Variants in KHDRBS2 observed in about 807,000 individuals in gnomAD.
The protein encoded by KHDRBS2 is KH RNA binding domain containing, signal transduction associated 2.
KHDRBS2 carries 26 observed loss-of-function variants against 44.3 expected under a neutral mutation model. The ratio of observed to expected loss-of-function variants is 0.59; its 90% CI spans 0.43 to 0.81. The LOEUF (loss-of-function observed/expected upper bound fraction) is 0.81, where lower values mean the gene tolerates loss of function less well. Among genes scored for constraint, KHDRBS2 ranks in the 40% least tolerant of loss-of-function variants. The pLI is 0.00. For synonymous variants in KHDRBS2, 194 were observed against 151.1 expected (o/e 1.28, Z -2.08); for missense variants, 476 against 433.1 (o/e 1.10, Z -0.88).
chr6:62,213,070 C>A (rs982532686), intron 1 of KHDRBS2, among the ~76,000 whole-genome samples: 1 of 152,102 alleles, frequency 6.6e-6, no homozygotes, highest in African/African-American at 2.4e-5. Context: ...AATATTGCTA[C>A]CTGGCTCATC....
intron 3 of KHDRBS2, among the ~76,000 whole-genome samples, chr6:62,001,042 T>C (rs1778143152): frequency 6.6e-6 from 1 of 152,174 alleles, no homozygotes. Context: ...TGAGCAATAA[T>C]GTGTGGTGTT....
At chr6:62,199,211 C>T (rs1826360794) in intron 1 of KHDRBS2, among the ~76,000 whole-genome samples, 1 of 152,100 alleles carries the variant, frequency 6.6e-6, no homozygotes, top group African/African-American at 2.4e-5. Context: ...CACTCCTATT[C>T]AACATAGTGT....
In KHDRBS2 at chr6:62,037,856, ATT is replaced by A. The variant is rs1422504139; in HGVS notation, c.336+10020_336+10021del. Among the ~76,000 whole-genome samples, 3 of 152,172 alleles carry A rather than the reference ATT, an allele frequency of 2.0e-5. No homozygotes were observed. The East Asian group carries it at 5.8e-4, about 29-fold the overall frequency. ...AAAAGCAAAGAAATTTAATGTTAGT[ATT>A]TTCAAAATTAAAACAAGATGCTAAG... On this transcript the variant is annotated intron_variant, in intron 3 of 8. Coordinates refer to ENST00000281156, the MANE Select transcript of KHDRBS2 (RefSeq NM_152688.4).
At chr6:61,948,948 C>A (rs1583678432) in intron 4 of KHDRBS2, among the ~76,000 whole-genome samples, 1 of 151,964 alleles carries the variant, frequency 6.6e-6, no homozygotes, top group Non-Finnish European at 1.5e-5. Flanking sequence ...TACTTCAGTT[C>A]TCTCCATCCA....
chr6:61,606,184 G>A, the KHDRBS2 span, among the ~76,000 whole-genome samples: 4 of 151,968 alleles, frequency 2.6e-5, no homozygotes, highest in African/African-American at 4.8e-5. Context: ...GTCTCTTTTC[G>A]GACTCAGCCT....
intron 2 of KHDRBS2, among the ~76,000 whole-genome samples, chr6:62,127,367 C>T (rs1284011478): frequency 6.6e-6 from 1 of 152,070 alleles, no homozygotes; most frequent in African/African-American, 2.4e-5. Context: ...TAAACTCCCT[C>T]TTAAACATAA....
intron 2 of KHDRBS2, among the ~76,000 whole-genome samples, chr6:62,100,294 C>A (rs1190394292): frequency 1.3e-5 from 2 of 152,146 alleles, no homozygotes; most frequent in Non-Finnish European, 2.9e-5. Flanking sequence ...TATAAATTAG[C>A]AAAGAAAGTC....
At chr6:62,169,216 T>A (rs1974087) in intron 2 of KHDRBS2, among the ~76,000 whole-genome samples, 80,004 of 144,096 alleles carry the variant, frequency 0.56, 23,029 homozygotes, top group Non-Finnish European at 0.61. Flanking sequence ...TATATGTATA[T>A]ATACACACAC....
intron 1 of KHDRBS2, among the ~76,000 whole-genome samples, chr6:62,226,150 A>G (rs1404523307): frequency 6.6e-6 from 1 of 152,210 alleles, no homozygotes. Flanking sequence ...TTACATTCCC[A>G]TCAATAGTGT....
chr6:62,071,238 T>C (rs933970512), intron 2 of KHDRBS2, among the ~76,000 whole-genome samples: 8 of 152,324 alleles, frequency 5.3e-5, no homozygotes, highest in African/African-American at 1.9e-4. Context: ...TTCTGGATAT[T>C]AGCCCTTTGT....
At chr6:62,062,537 A>G (rs1562760095) in intron 2 of KHDRBS2, among the ~76,000 whole-genome samples, 2 of 151,920 alleles carry the variant, frequency 1.3e-5, no homozygotes, top group Non-Finnish European at 1.5e-5. Flanking sequence ...TACTGGGTAC[A>G]TAACAAAATG....
chr6:61,985,244 G>A (rs1013393631), intron 3 of KHDRBS2, among the ~76,000 whole-genome samples: 1 of 151,980 alleles, frequency 6.6e-6, no homozygotes, highest in Non-Finnish European at 1.5e-5. Flanking sequence ...AGTAATATGG[G>A]TTAGCCTCAA....
chr6:61,744,817 A>G (rs16899346), intron 6 of KHDRBS2, among the ~76,000 whole-genome samples: 24,801 of 151,988 alleles, frequency 0.16, 2,503 homozygotes, highest in East Asian at 0.29. Context: ...AGGAGAAACA[A>G]ACCTTGTCAA....
chr6:61,955,200 A>C (rs572588594), intron 4 of KHDRBS2, among the ~76,000 whole-genome samples: 1 of 144,794 alleles, frequency 6.9e-6, no homozygotes, highest in Non-Finnish European at 1.5e-5. Context: ...GTATGTATAC[A>C]TATATATGTA....
At chr6:62,213,648 T>A (rs1829467248) in intron 1 of KHDRBS2, among the ~76,000 whole-genome samples, 1 of 151,430 alleles carries the variant, frequency 6.6e-6, no homozygotes, top group Non-Finnish European at 1.5e-5. Context: ...GCTGAGACGG[T>A]CGGATCACAA....
chr6:61,688,455 G>C (rs1408809572), intron 8 of KHDRBS2, among the ~76,000 whole-genome samples: 1 of 151,790 alleles, frequency 6.6e-6, no homozygotes, highest in Non-Finnish European at 1.5e-5. Context: ...AATAACAGAA[G>C]GGAGAATAAA....
chr6:61,629,693 A>C, the KHDRBS2 span, among the ~76,000 whole-genome samples: 1 of 152,218 alleles, frequency 6.6e-6, no homozygotes, highest in South Asian at 2.1e-4. Context: ...AACCTGACTG[A>C]TCAATAATAA....
intron 1 of KHDRBS2, among the ~76,000 whole-genome samples, chr6:62,209,893 G>GCCTTTGAC (rs1828728061): frequency 6.6e-6 from 1 of 152,138 alleles, no homozygotes; most frequent in African/African-American, 2.4e-5. Context: ...GAGCTCTCAA[G>GCCTTTGAC]CCTTTGACCA....
chr6:62,046,932 C>T (rs552022536), intron 3 of KHDRBS2, among the ~76,000 whole-genome samples: 1 of 151,836 alleles, frequency 6.6e-6, no homozygotes, highest in East Asian at 1.9e-4. Context: ...TTTGCTAAAA[C>T]TCCTAATGTA....
Sources: allele counts gnomAD v4.1 joint callset (sites outside exome capture counted in the v4.1 genomes callset), GRCh38; gene constraint gnomAD v4.1.1; transcripts MANE v1.5; gene names NCBI Gene and HGNC (gene_info 2026-07-23, HGNC 2026-07-21).